Variants in TTC39B observed in about 807,000 individuals in gnomAD.
TTC39B encodes the protein tetratricopeptide repeat domain 39B.
TTC39B carries 92 observed loss-of-function variants against 96.6 expected under a neutral mutation model. The observed-to-expected ratio is 0.95, with a 90% confidence interval of 0.80 to 1.13. The LOEUF (loss-of-function observed/expected upper bound fraction) is 1.13. TTC39B is among the 50% of genes most tolerant of loss of function. The probability of loss-of-function intolerance (pLI) is 0.00; values close to 1 mark genes in which losing one functional copy is unlikely to be tolerated. For missense variants in TTC39B, 955 were observed against 809.3 expected, an observed-to-expected ratio of 1.18 and a Z score of -2.18; for synonymous variants, 367 against 299.4, an observed-to-expected ratio of 1.23 and a Z score of -2.33.
chr9:15,303,570 G>A (rs1449497497), intron 1 of TTC39B, among the ~76,000 whole-genome samples: 1 of 151,666 alleles, frequency 6.6e-6, no homozygotes, highest in Non-Finnish European at 1.5e-5. Flanking sequence ...TAGAGACAGG[G>A]TCTCACTGCG....
intron 2 of TTC39B, chr9:15,250,330 T>G: frequency 1.9e-6 from 1 of 518,312 alleles, no homozygotes; most frequent in Non-Finnish European, 2.5e-6. Context: ...ACAAATGGCC[T>G]GGATTTATAA....
chr9:15,166,955 G>T (rs1242545991), exon 20 of TTC39B: 14 of 100,100 alleles, frequency 1.4e-4, no homozygotes, highest in Non-Finnish European at 2.5e-4. Context: ...TCTCTAAATG[G>T]GTAACATGTG....
intron 2 of TTC39B, among the ~76,000 whole-genome samples, chr9:15,238,816 T>C (rs1219084538): frequency 6.6e-6 from 1 of 152,112 alleles, no homozygotes; most frequent in Non-Finnish European, 1.5e-5. Context: ...CAAAACCCTG[T>C]CTCTACAAAA....
At chr9:15,199,765 A>AAAAAAAAAAAAC (rs1819419237) in intron 8 of TTC39B, 96 bp downstream of exon 8, 1 of 414,220 alleles carries the variant, frequency 2.4e-6, no homozygotes, top group African/African-American at 2.2e-5. Context: ...AAAAAAAAAA[A>AAAAAAAAAAAAC]AAATCCTAGT....
chr9:15,202,014 A>T (rs1276618029), intron 7 of TTC39B, among the ~76,000 whole-genome samples: 1 of 152,216 alleles, frequency 6.6e-6, no homozygotes, highest in Non-Finnish European at 1.5e-5. Context: ...TCCAGAAAAG[A>T]GTAGATAAGC....
intron 8 of TTC39B, among the ~76,000 whole-genome samples, chr9:15,197,547 A>G (rs996534864): frequency 6.6e-6 from 1 of 152,220 alleles, no homozygotes; most frequent in Non-Finnish European, 1.5e-5. Context: ...AAAAATCAAA[A>G]TATACATTTA....
intron 1 of TTC39B, among the ~76,000 whole-genome samples, chr9:15,290,159 AG>A (rs1242023819): frequency 2.2e-4 from 34 of 152,224 alleles, no homozygotes; most frequent in Non-Finnish European, 8.8e-5. Context: ...AAAAATGGTT[AG>A]AGAAATCCTT....
chr9:15,263,226 G>C (rs1230050177), intron 2 of TTC39B, among the ~76,000 whole-genome samples: 1 of 152,058 alleles, frequency 6.6e-6, no homozygotes, highest in Non-Finnish European at 1.5e-5. Flanking sequence ...TATTTGTCTG[G>C]AGAACCCACA....
exon 20 of TTC39B, chr9:15,168,586 G>A (rs1378852931): frequency 6.6e-6 from 1 of 152,150 alleles, no homozygotes. Context: ...TTAAAAAGGA[G>A]TGGATCACGA....
At chr9:15,275,022 T>A (rs1173300206) in intron 1 of TTC39B, among the ~76,000 whole-genome samples, 4 of 151,944 alleles carry the variant, frequency 2.6e-5, no homozygotes, top group Non-Finnish European at 5.9e-5. Flanking sequence ...AGTGCTCTCA[T>A]ATAATCCCAC....
Position 15,223,256 on chromosome 9 carries a change from T to C in TTC39B, c.371+2661A>G, listed in dbSNP as rs923858057. ...GAGGGAGAATCGCAAGAAACCATGGTTGTCAAAACACTCTGTAAGACTAAA... is the reference window on the plus strand; with the variant it reads ...GAGGGAGAATCGCAAGAAACCATGGCTGTCAAAACACTCTGTAAGACTAAA... On this transcript the variant is annotated intron_variant, in intron 3 of 19. Transcript: ENST00000512701. 1.8e-4 allele frequency among the ~76,000 whole-genome samples: 27 copies of C among 152,316 alleles called. 1 individual carries two copies. Among genetic ancestry groups the C allele is most frequent in the Admixed American group, 3.9e-4 (6 of 15,296 alleles).
intron 3 of TTC39B, among the ~76,000 whole-genome samples, chr9:15,222,470 T>C (rs1820899489): frequency 6.6e-6 from 1 of 152,184 alleles, no homozygotes; most frequent in Admixed American, 6.5e-5. Flanking sequence ...CCTACATTCT[T>C]TACTAACCAA....
At chr9:15,187,534 AC>A (rs1379718088) in intron 14 of TTC39B, among the ~76,000 whole-genome samples, 2 of 152,208 alleles carry the variant, frequency 1.3e-5, no homozygotes, top group Non-Finnish European at 2.9e-5. Flanking sequence ...ATCATAGCTC[AC>A]TGTAGCCTCG....
In TTC39B at chr9:15,226,058, G is replaced by T. The variant is rs536417827; in HGVS notation, c.276-46C>A. 6.4e-6 allele frequency: 10 copies of T among 1,570,936 alleles called. No individual in the cohort carries two copies. The African/African-American group carries it at 1.2e-4, about 19-fold the overall frequency. ...GCAAGGTTTTTTATTTCTTTGTCCT[G>T]TGAGAAAAGTCTACACCAGTGCAAT... is the stretch of plus-strand genomic sequence containing the variant. On this transcript the variant is annotated intron_variant, in intron 2 of 19. Transcript: ENST00000512701.
At chr9:15,241,477 A>AT (rs35681379) in intron 2 of TTC39B, among the ~76,000 whole-genome samples, 3,647 of 152,302 alleles carry the variant, frequency 0.024, 144 homozygotes, top group African/African-American at 0.084. Flanking sequence ...AGCACAAAAA[A>AT]TAATAGCATG....
chr9:15,276,797 C>T lies in TTC39B; in HGVS notation c.241-8849G>A, dbSNP rs1823560744. Among the ~76,000 whole-genome samples, 3 of 152,104 alleles carry T rather than the reference C, an allele frequency of 2.0e-5. No homozygotes were observed. The South Asian group carries it at 6.2e-4, about 32-fold the overall frequency. ...TTCCTGTTGTGTACAATAAAGATTC[C>T]AGCCGCCCACTGGGATTGTAAGGAT... On this transcript the variant is annotated intron_variant, in intron 1 of 19. Coordinates refer to ENST00000512701, the Ensembl canonical transcript of TTC39B.
At chr9:15,246,410 A>G (rs16932861) in intron 2 of TTC39B, among the ~76,000 whole-genome samples, 3,493 of 152,258 alleles carry the variant, frequency 0.023, 129 homozygotes, top group African/African-American at 0.079. Context: ...TGAGGAGTTT[A>G]AGGTGTATGA....
chr9:15,217,831 G>A (rs184938398), intron 3 of TTC39B, among the ~76,000 whole-genome samples: 5 of 152,200 alleles, frequency 3.3e-5, no homozygotes, highest in Non-Finnish European at 7.4e-5. Flanking sequence ...ACCTAAAGTA[G>A]CTACCCACAC....
intron 10 of TTC39B, 51 bp downstream of exon 10, chr9:15,191,135 CAATA>C: frequency 7.6e-7 from 1 of 1,310,244 alleles, no homozygotes; most frequent in East Asian, 2.3e-5. Context: ...CCCTCATGTT[CAATA>C]AATACTGTCT....
Sources: allele counts gnomAD v4.1 joint callset (sites outside exome capture counted in the v4.1 genomes callset), GRCh38; gene constraint gnomAD v4.1.1; transcripts MANE v1.5; gene names NCBI Gene and HGNC (gene_info 2026-07-23, HGNC 2026-07-21).